The following HYCC2 variants were observed in gnomAD, a reference collection of about 807,000 sequenced individuals.
The protein encoded by HYCC2 is hyccin PI4KA lipid kinase complex subunit 2.
At chr2:200,992,142 TG>T in the HYCC2 span, 4 of 588,462 alleles carry the variant, frequency 6.8e-6, no homozygotes, top group East Asian at 1.2e-4. Context: ...AAACCTATTT[TG>T]TTTTTTCTCT....
At chr2:201,052,162 G>A in the HYCC2 span, 1 of 152,254 alleles carries the variant, frequency 6.6e-6, no homozygotes. Context: ...GCCCAGTGCA[G>A]TGGTACGCAC....
At chr2:201,040,460 T>G in the HYCC2 span, among the ~76,000 whole-genome samples, 5 of 133,074 alleles carry the variant, frequency 3.8e-5, no homozygotes, top group African/African-American at 1.4e-4. Flanking sequence ...ATTGCTTTTG[T>G]TTTTTTTTTT....
the HYCC2 span, among the ~76,000 whole-genome samples, chr2:201,070,630 C>T: frequency 2.6e-5 from 4 of 151,222 alleles, no homozygotes; most frequent in Non-Finnish European, 5.9e-5. Context: ...CCAGCCTGGG[C>T]AACAACAGCG....
chr2:201,038,494 A>C, the HYCC2 span, among the ~76,000 whole-genome samples: 1 of 152,218 alleles, frequency 6.6e-6, no homozygotes, highest in African/African-American at 2.4e-5. Context: ...GAACCAACCC[A>C]AATGTCCATC....
At chr2:201,065,484 C>A in the HYCC2 span, among the ~76,000 whole-genome samples, 1 of 152,202 alleles carries the variant, frequency 6.6e-6, no homozygotes, top group Non-Finnish European at 1.5e-5. Context: ...TTGTATAACT[C>A]TATTTCTAAA....
At chr2:201,019,979 G>A in the HYCC2 span, among the ~76,000 whole-genome samples, 1 of 151,986 alleles carries the variant, frequency 6.6e-6, no homozygotes, top group Non-Finnish European at 1.5e-5. Context: ...AGCTAATTGA[G>A]AAGGTGAGTT....
At chr2:201,066,161 CTTCCTAGG>C in the HYCC2 span, among the ~76,000 whole-genome samples, 56 of 152,152 alleles carry the variant, frequency 3.7e-4, 1 homozygote, top group East Asian at 8.7e-3. Flanking sequence ...GCAACCTCCA[CTTCCTAGG>C]TTCAAGCAAT....
At chr2:201,037,475 T>C in the HYCC2 span, among the ~76,000 whole-genome samples, 10 of 152,174 alleles carry the variant, frequency 6.6e-5, no homozygotes, top group African/African-American at 2.4e-4. Flanking sequence ...GGCATCACAC[T>C]ACCTGACTTC....
the HYCC2 span, chr2:200,979,042 ATTTATT>A: frequency 6.6e-6 from 1 of 151,356 alleles, no homozygotes; most frequent in African/African-American, 2.4e-5. Context: ...TTTATTTTTT[ATTTATT>A]TTTAATTTTT....
chr2:200,980,065 T>C, the HYCC2 span: 1 of 152,624 alleles, frequency 6.6e-6, no homozygotes, highest in Admixed American at 6.5e-5. Context: ...TACCCCCTGG[T>C]AGAAATGTTC....
At chr2:201,038,194 TA>T in the HYCC2 span, among the ~76,000 whole-genome samples, 1 of 152,182 alleles carries the variant, frequency 6.6e-6, no homozygotes, top group South Asian at 2.1e-4. Context: ...CACAATGAGA[TA>T]CCATCTTACA....
chr2:201,050,540 C>T, the HYCC2 span, among the ~76,000 whole-genome samples: 3 of 148,918 alleles, frequency 2.0e-5, no homozygotes, highest in Admixed American at 6.8e-5. Context: ...TACAGTGGGC[C>T]GAGATCACGC....
chr2:200,985,009 G>C, the HYCC2 span, among the ~76,000 whole-genome samples: 1 of 152,136 alleles, frequency 6.6e-6, no homozygotes, highest in South Asian at 2.1e-4. Flanking sequence ...TACTGAGAAG[G>C]CTGAGGCCAG....
At chr2:201,051,018 TA>T in the HYCC2 span, among the ~76,000 whole-genome samples, 1 of 152,108 alleles carries the variant, frequency 6.6e-6, no homozygotes, top group Admixed American at 6.6e-5. Context: ...AATCACACAC[TA>T]ATTTCTCTTA....
the HYCC2 span, among the ~76,000 whole-genome samples, chr2:201,033,237 C>T: frequency 6.7e-6 from 1 of 150,112 alleles, no homozygotes; most frequent in Non-Finnish European, 1.5e-5. Flanking sequence ...CTCTCTGTTT[C>T]CCAGGCTGGA....
chr2:201,063,627 C>T, the HYCC2 span: 3 of 1,579,482 alleles, frequency 1.9e-6, no homozygotes, highest in Non-Finnish European at 8.6e-7. Context: ...GTTAGAAAAG[C>T]CCTGTCAAAG....
chr2:201,059,538 C>G, the HYCC2 span, among the ~76,000 whole-genome samples: 2 of 152,150 alleles, frequency 1.3e-5, no homozygotes, highest in South Asian at 2.1e-4. Context: ...CTTTCAGGAC[C>G]TCCTTATCTT....
At chr2:201,044,257 T>C in the HYCC2 span, among the ~76,000 whole-genome samples, 2 of 152,192 alleles carry the variant, frequency 1.3e-5, no homozygotes, top group East Asian at 3.8e-4. Context: ...TTATTAATAG[T>C]ATTACCATTA....
At chr2:200,998,488 C>T in the HYCC2 span, among the ~76,000 whole-genome samples, 39 of 152,274 alleles carry the variant, frequency 2.6e-4, no homozygotes, top group Non-Finnish European at 5.1e-4. Flanking sequence ...TGTAATTTTA[C>T]GCCTCTATGT....
Sources: gnomAD v4.1 joint callset for allele counts (sites outside exome capture counted in the v4.1 genomes callset) on GRCh38, gnomAD v4.1.1 for gene constraint, MANE v1.5 for transcripts, NCBI Gene and HGNC (gene_info 2026-07-23, HGNC 2026-07-21) for gene names.